The following BLK variants were observed in gnomAD, a reference collection of about 807,000 sequenced individuals.
The protein encoded by BLK is BLK proto-oncogene, Src family tyrosine kinase, also known as tyrosine-protein kinase Blk.
A neutral mutation model predicts 61.8 loss-of-function variants in BLK; 64 were observed. The ratio of observed to expected loss-of-function variants is 1.03; its 90% CI spans 0.85 to 1.27. The LOEUF is 1.27. BLK is among the 50% of genes most tolerant of loss of function. The pLI, the probability that BLK is intolerant of heterozygous loss-of-function variation, is 0.00. For synonymous variants in BLK, 351 were observed against 272.0 expected (o/e 1.29, Z -2.86); for missense variants, 853 against 660.5 (o/e 1.29, Z -3.19).
At chr8:11,497,369 C>T (rs897354619) in intron 1 of BLK, among the ~76,000 whole-genome samples, 3 of 152,156 alleles carry the variant, frequency 2.0e-5, no homozygotes, top group Admixed American at 1.3e-4. Context: ...GAATCCCTTC[C>T]CCACCTTCCC....
At chr8:11,551,483 C>T (rs1563116171) in intron 6 of BLK, among the ~76,000 whole-genome samples, 2 of 152,204 alleles carry the variant, frequency 1.3e-5, no homozygotes, top group South Asian at 2.1e-4. Context: ...CCTTTAAAGG[C>T]TCTGTCTCCA....
At chr8:11,535,284 GAAAGAAAGAA>G (rs978817723) in intron 1 of BLK, among the ~76,000 whole-genome samples, 3 of 138,856 alleles carry the variant, frequency 2.2e-5, no homozygotes, top group South Asian at 5.2e-4. Flanking sequence ...AAGAAAGAAA[GAAAGAAAGAA>G]AGAAAGAAAG....
chr8:11,509,703 AG>A (rs1416667417), intron 1 of BLK: 7 of 152,346 alleles, frequency 4.6e-5, no homozygotes, highest in Admixed American at 4.6e-4. Context: ...TTGGAAGAAC[AG>A]GCTGATTTTG....
intron 1 of BLK, among the ~76,000 whole-genome samples, chr8:11,520,194 T>A (rs1032638908): frequency 1.3e-5 from 2 of 152,084 alleles, no homozygotes. Flanking sequence ...AAGAACCACA[T>A]AGCCAGGCAC....
rs551088779 is a variant in BLK at position 11,555,389 on chromosome 8, A to C, written c.677A>C (p.Gln226Pro). Residue 226 changes from glutamine to proline, a missense_variant, in exon 8 of 13, where the codon CAG becomes CCG. Coordinates refer to ENST00000259089, the MANE Select transcript of BLK (RefSeq NM_001715.3). ...CTGCCCTGTGTGCGCCCGGCCCCGCAGAATCCCTGGGCCCAGGATGAATGG... is the reference window on the plus strand; with the variant it reads ...CTGCCCTGTGTGCGCCCGGCCCCGCCGAATCCCTGGGCCCAGGATGAATGG... ...LTLPCVRPAP[Q>P]NPWAQDEWEI... 4 of 1,614,178 alleles carry C rather than the reference A, an allele frequency of 2.5e-6. No individual in the cohort carries two copies. In the African/African-American group the frequency reaches 4.0e-5, roughly 16 times the overall value.
At chr8:11,516,667 G>A (rs1563431968) in intron 1 of BLK, among the ~76,000 whole-genome samples, 1 of 152,166 alleles carries the variant, frequency 6.6e-6, no homozygotes, top group Non-Finnish European at 1.5e-5. Context: ...ACTTCATTTA[G>A]GTGGAATCAT....
chr8:11,531,021 T>C (rs1799864886), intron 1 of BLK, among the ~76,000 whole-genome samples: 3 of 152,210 alleles, frequency 2.0e-5, no homozygotes, highest in Admixed American at 2.0e-4. Flanking sequence ...TGATCGGTCA[T>C]CTAATTTTAG....
At chr8:11,523,258 C>G (rs577602730) in intron 1 of BLK, among the ~76,000 whole-genome samples, 1 of 152,250 alleles carries the variant, frequency 6.6e-6, no homozygotes, top group South Asian at 2.1e-4. Flanking sequence ...ATACATAATA[C>G]AAACACAAAG....
chr8:11,561,568 G>C, intron 11 of BLK, 116 bp downstream of exon 11: 1 of 1,324,396 alleles, frequency 7.6e-7, no homozygotes, highest in African/African-American at 1.5e-5. Context: ...AGGGCTATAC[G>C]GTTTCTACAG....
intron 1 of BLK, among the ~76,000 whole-genome samples, chr8:11,516,929 G>C (rs1334481093): frequency 6.6e-6 from 1 of 152,188 alleles, no homozygotes; most frequent in African/African-American, 2.4e-5. Flanking sequence ...TGTCATTCTG[G>C]ATACACACCC....
rs561996178 is a variant in BLK at position 11,512,919 on chromosome 8, G to A, written c.-2+18328G>A. ...TGACCTCAAGTGATCTGCCCGCTTC[G>A]GCCTCCCAGACTGCTGGGATTACAG... On this transcript the variant is annotated intron_variant, in intron 1 of 12. Coordinates refer to ENST00000259089, the MANE Select transcript of BLK (RefSeq NM_001715.3). Among the ~76,000 whole-genome samples, 49 of 152,234 alleles carry A rather than the reference G, an allele frequency of 3.2e-4. No individual in the cohort carries two copies. The South Asian group carries it at 6.4e-3, about 20-fold the overall frequency.
At chr8:11,518,723 G>A (rs1273561609) in intron 1 of BLK, among the ~76,000 whole-genome samples, 1 of 152,090 alleles carries the variant, frequency 6.6e-6, no homozygotes, top group African/African-American at 2.4e-5. Context: ...GGTCCAACAC[G>A]GCATTTGGAA....
At chr8:11,538,668 C>T (rs1030808176) in intron 1 of BLK, among the ~76,000 whole-genome samples, 2 of 152,194 alleles carry the variant, frequency 1.3e-5, no homozygotes, top group Non-Finnish European at 2.9e-5. Flanking sequence ...GACAAGAGGG[C>T]TGGTCACCTG....
chr8:11,522,591 A>G (rs1433181226), intron 1 of BLK, among the ~76,000 whole-genome samples: 1 of 152,140 alleles, frequency 6.6e-6, no homozygotes, highest in Non-Finnish European at 1.5e-5. Context: ...GCCCATCCCA[A>G]TGCATTTCAT....
At position 11,546,098 on chromosome 8, in the gene BLK, A is replaced by C. The variant is rs772595681; in HGVS notation, c.170A>C (p.Asp57Ala). 6.2e-7 allele frequency: 1 copy of C among 1,614,150 alleles called. No homozygotes were observed. The highest frequency in any genetic ancestry group is 1.1e-5 in the South Asian group (1 of 91,068). ...CCTCCACCGCCCGATGAACACCTGG[A>C]TGAAGGTAAGAAGGGTGGTTTGGGA... ...LTPPPPDEHL[D>A]EDKHFVVALY... is the part of the protein sequence containing the mutation. Residue 57 changes from aspartate (D) to alanine (A), a missense_variant, in exon 3 of 13, where the codon GAT becomes GCT. Asp to Ala is a moderately radical substitution (Grantham distance 126, BLOSUM62 -2). Transcript: ENST00000259089.
intron 1 of BLK, among the ~76,000 whole-genome samples, chr8:11,528,354 T>G (rs1250366247): frequency 6.6e-6 from 1 of 152,198 alleles, no homozygotes; most frequent in Non-Finnish European, 1.5e-5. Context: ...TGCTTTTAAG[T>G]TAAACTATAA....
chr8:11,536,692 C>A lies in BLK; in HGVS notation c.-1-6532C>A, dbSNP rs117895980. Among the ~76,000 whole-genome samples, 230 of 152,316 alleles carry A rather than the reference C, an allele frequency of 1.5e-3. 1 individual carries two copies. The highest frequency in any genetic ancestry group is 2.4e-3 in the Non-Finnish European group (165 of 68,024). ...AAGTGCTGGGATTACAGGCATGAAC[C>A]ACTGTGCCTGGCCAATATTCTTGAC... On this transcript the variant is annotated intron_variant, in intron 1 of 12. Coordinates refer to ENST00000259089, the MANE Select transcript of BLK (RefSeq NM_001715.3).
At chr8:11,537,082 A>T (rs1199335797) in intron 1 of BLK, among the ~76,000 whole-genome samples, 1 of 152,222 alleles carries the variant, frequency 6.6e-6, no homozygotes, top group Non-Finnish European at 1.5e-5. Context: ...TCAGGTTCAC[A>T]TGTGGAGAGG....
chr8:11,517,655 A>G (rs970009159), intron 1 of BLK, among the ~76,000 whole-genome samples: 8 of 152,170 alleles, frequency 5.3e-5, no homozygotes, highest in Non-Finnish European at 1.0e-4. Context: ...GGGCCAGGAG[A>G]CAGCCACCCA....
Sources: allele counts gnomAD v4.1 joint callset (sites outside exome capture counted in the v4.1 genomes callset), GRCh38; gene constraint gnomAD v4.1.1; transcripts MANE v1.5; gene names NCBI Gene and HGNC (gene_info 2026-07-23, HGNC 2026-07-21).